Variants in CFAP46 observed in about 807,000 individuals in gnomAD.
CFAP46 encodes the protein cilia- and flagella-associated protein 46.
A neutral mutation model predicts 325.7 loss-of-function variants in CFAP46; 245 were observed. That is an observed-to-expected ratio of 0.75 (90% CI 0.68 to 0.84). CFAP46 has a LOEUF of 0.84. Ranked by LOEUF, CFAP46 falls within the 40% of genes least tolerant of loss-of-function variation. The probability of loss-of-function intolerance (pLI) is 0.00; values close to 1 mark genes in which losing one functional copy is unlikely to be tolerated. For synonymous variants in CFAP46, 1,523 were observed against 1,495.9 expected, an observed-to-expected ratio of 1.02 and a Z score of -0.42; for missense variants, 3,346 against 3,543.0, an observed-to-expected ratio of 0.94 and a Z score of 1.41.
intron 50 of CFAP46, among the ~76,000 whole-genome samples, chr10:132,830,175 G>A (rs138587900): frequency 0.014 from 2,149 of 150,626 alleles, 20 homozygotes; most frequent in South Asian, 0.045. Flanking sequence ...ATGGAGTCTC[G>A]CTCTGTCACC....
intron 50 of CFAP46, among the ~76,000 whole-genome samples, chr10:132,824,442 G>A (rs1847986827): frequency 7.6e-6 from 1 of 132,420 alleles, no homozygotes; most frequent in Non-Finnish European, 1.6e-5. Flanking sequence ...TGTGCTGTGT[G>A]CTGATGTGTG....
rs1477516038 is a variant in CFAP46, at chr10:132,939,080, C to T, written c.372-327G>A. Among the ~76,000 whole-genome samples, 1 of 152,218 alleles carries T rather than the reference C, an allele frequency of 6.6e-6. No homozygotes were observed. The highest frequency in any genetic ancestry group is 1.5e-5 in the Non-Finnish European group (1 of 68,048). On this transcript the variant is annotated intron_variant, in intron 4 of 57. Transcript: ENST00000368586. This position sits in a 1 kb window ranked among gnomAD's most constrained non-coding sequence, Gnocchi z 4.6. Reference sequence around the variant, plus strand: ...ATTATTCCACAAACTGATCGGCCCCCTCCCATGAAAATACACCACTGGGCA... The same window carrying T: ...ATTATTCCACAAACTGATCGGCCCCTTCCCATGAAAATACACCACTGGGCA...
chr10:132,875,697 C>A (rs140173362), intron 31 of CFAP46, among the ~76,000 whole-genome samples: 2 of 152,176 alleles, frequency 1.3e-5, no homozygotes, highest in Non-Finnish European at 2.9e-5. Flanking sequence ...TGACCCCTAC[C>A]TCACACCACA....
intron 50 of CFAP46, among the ~76,000 whole-genome samples, chr10:132,824,486 C>G (rs866820123): frequency 1.5e-5 from 1 of 66,412 alleles, no homozygotes; most frequent in South Asian, 6.8e-4. Context: ...GTGCTGTGTG[C>G]GCTGTGTGCT....
At chr10:132,868,854 G>C (rs911929807) in intron 33 of CFAP46, among the ~76,000 whole-genome samples, 3 of 152,226 alleles carry the variant, frequency 2.0e-5, no homozygotes, top group Non-Finnish European at 2.9e-5. Flanking sequence ...ACACTAACGA[G>C]AGTTAGTTGT....
rs757007837 is a variant in CFAP46, at chr10:132,833,390, A to G, written c.7085T>C (p.Met2362Thr). The G allele has an allele frequency of 1.2e-6, 2 of 1,614,176 alleles. No individual in the cohort carries two copies. Among genetic ancestry groups the G allele is most frequent in the South Asian group, 1.1e-5 (1 of 91,084 alleles). ...TTCTTTATGGAGGCGATTCCACAGC[A>G]TTTGAAGAGAAAATTCTCGTGACAC... ...SSVSREFSLQMLWNRLHKEET... is the reference protein window; with the variant it reads ...SSVSREFSLQTLWNRLHKEET... The change falls in exon 50 of 58, where the codon ATG becomes ACG. Residue 2362 changes from methionine (M) to threonine (T), a missense_variant. Physicochemically the swap from Met to Thr is moderately conservative, Grantham distance 81. Coordinates refer to ENST00000368586, the MANE Select transcript of CFAP46 (RefSeq NM_001200049.3).
chr10:132,834,417 C>T (rs1338122197), intron 48 of CFAP46, among the ~76,000 whole-genome samples: 1 of 152,176 alleles, frequency 6.6e-6, no homozygotes, highest in African/African-American at 2.4e-5. Context: ...CCTCCCACCC[C>T]ACACTTGGGC....
intron 50 of CFAP46, among the ~76,000 whole-genome samples, chr10:132,823,063 CTGA>C (rs1229359029): frequency 1.4e-4 from 16 of 114,016 alleles, no homozygotes; most frequent in African/African-American, 5.2e-4. Context: ...GCTGTGAGTG[CTGA>C]TGTGTGCTGT....
rs768184973 is a variant in CFAP46, at chr10:132,920,043, C to A, written c.1730+16G>T. 2.6e-6 allele frequency: 4 copies of A among 1,530,182 alleles called. No individual in the cohort carries two copies. The highest frequency in any genetic ancestry group is 3.5e-6 in the Non-Finnish European group (4 of 1,137,446). 94.8% of individuals were successfully genotyped at this position (1,530,182 alleles called of 1,614,324 possible). A position where few individuals can be genotyped will look rare whatever the true frequency, so the allele number is the denominator to read the frequency against. On this transcript the variant is annotated intron_variant, in intron 14 of 57. Transcript: ENST00000368586. ...GGCTGAGCTGTGCGTGGCGCTCTGG[C>A]CTTTTCCTCACTCACCTCTCCTTGT... is the stretch of plus-strand genomic sequence containing the variant.
Position 132,909,713 on chromosome 10 carries a change from G to A in CFAP46, c.2649+206C>T, listed in dbSNP as rs574050871. ...ACAGGCCCAGCAGCTCACAGACCCC[G>A]TGGACGGGTGGGCAGAGGAGGCCCC... is the stretch of plus-strand genomic sequence containing the variant. On this transcript the variant is annotated intron_variant, in intron 20 of 57. Transcript: ENST00000368586. Among the ~76,000 whole-genome samples, 9 of 152,354 alleles carry A rather than the reference G, an allele frequency of 5.9e-5. No individual in the cohort carries two copies. In the South Asian group the frequency reaches 1.4e-3, roughly 25 times the overall value.
intron 56 of CFAP46, 148 bp downstream of exon 56, chr10:132,810,802 C>A: frequency 2.5e-6 from 2 of 806,106 alleles, no homozygotes; most frequent in South Asian, 1.5e-5. Flanking sequence ...CACACCTCGC[C>A]AACTGCTGGA....
rs561983016 is a variant in CFAP46 at position 132,847,374 on chromosome 10, C to A, written c.5953-53G>T. ...CACTTCTGGGTTCCTGCTTGGTCGG[C>A]GTGGGGAGGGCCCACCCAGGGAGGC... On this transcript the variant is annotated intron_variant, in intron 41 of 57. Coordinates refer to ENST00000368586, the MANE Select transcript of CFAP46 (RefSeq NM_001200049.3). This position sits in a 1 kb window ranked among gnomAD's most constrained non-coding sequence, Gnocchi z 5.2. The A allele has an allele frequency of 6.2e-7, 1 of 1,600,990 alleles. No homozygotes were observed. Among genetic ancestry groups the A allele is most frequent in the East Asian group, 2.2e-5 (1 of 44,640 alleles).
In CFAP46 at chr10:132,832,869, T is replaced by C; in HGVS notation, c.7117+489A>G. 1 of 466,734 alleles carries C rather than the reference T, an allele frequency of 2.1e-6. No individual in the cohort carries two copies. Among genetic ancestry groups the C allele is most frequent in the Non-Finnish European group, 4.5e-6 (1 of 223,554 alleles). The allele number at this position is 466,734 out of a possible 1,614,324, so 28.9% of individuals were successfully genotyped here. On this transcript the variant is annotated intron_variant, in intron 50 of 57. Transcript: ENST00000368586. The surrounding 1 kb of genome is among the most constrained non-coding windows in gnomAD (Gnocchi z 4.1). ...GGTCCCCTCCTTTGAAACAGGTATTTGTGGGGGCAAGAACAGCGTTAAGTT... is the reference window on the plus strand; with the variant it reads ...GGTCCCCTCCTTTGAAACAGGTATTCGTGGGGGCAAGAACAGCGTTAAGTT...
At chr10:132,916,087 C>T (rs117949810) in intron 17 of CFAP46, among the ~76,000 whole-genome samples, 138 of 152,246 alleles carry the variant, frequency 9.1e-4, no homozygotes, top group African/African-American at 3.1e-3. Flanking sequence ...ACACACAAGG[C>T]GTTTTCGAGG....
Position 132,939,402 on chromosome 10 carries a change from G to A in CFAP46, c.372-649C>T, listed in dbSNP as rs1287572614. On this transcript the variant is annotated intron_variant, in intron 4 of 57. Transcript: ENST00000368586. The surrounding 1 kb of genome is among the most constrained non-coding windows in gnomAD (Gnocchi z 4.6). The stretch of plus-strand genomic sequence containing the variant: ...CCCTGGGCAGCAGGGAGCATTGCAG[G>A]GACTGAAGTAAGGGAATCCGGGCCC... Among the ~76,000 whole-genome samples the A allele has an allele frequency of 6.6e-6, 1 of 152,156 alleles. No homozygotes were observed. Among genetic ancestry groups the A allele is most frequent in the Non-Finnish European group, 1.5e-5 (1 of 68,024 alleles).
intron 38 of CFAP46, among the ~76,000 whole-genome samples, chr10:132,858,061 G>C (rs1156622849): frequency 6.6e-6 from 1 of 152,216 alleles, no homozygotes; most frequent in African/African-American, 2.4e-5. Flanking sequence ...CAGCGGGCTG[G>C]GTCTGATCAG....
chr10:132,843,822 G>A (rs1235821119), intron 44 of CFAP46, among the ~76,000 whole-genome samples: 4 of 94,910 alleles, frequency 4.2e-5, no homozygotes, highest in African/African-American at 1.7e-4. Context: ...TTCCCAGGGT[G>A]CTGTGGGGCT....
chr10:132,920,552 A>G (rs896718525), intron 13 of CFAP46, among the ~76,000 whole-genome samples: 1 of 152,198 alleles, frequency 6.6e-6, no homozygotes, highest in Non-Finnish European at 1.5e-5. Context: ...TAGCACCCCA[A>G]GTCCCAGCAG....
intron 45 of CFAP46, 63 bp downstream of exon 45, chr10:132,836,754 C>T: frequency 7.1e-7 from 1 of 1,415,154 alleles, no homozygotes; most frequent in African/African-American, 1.4e-5. Flanking sequence ...ACGGCTGGGT[C>T]TCTGCCTCCC....
Sources: allele counts gnomAD v4.1 joint callset (sites outside exome capture counted in the v4.1 genomes callset), GRCh38; gene constraint gnomAD v4.1.1; non-coding constraint Gnocchi (gnomAD v3.1); transcripts MANE v1.5; gene names NCBI Gene and HGNC (gene_info 2026-07-23, HGNC 2026-07-21).